The following CYP3A43 variants were observed in gnomAD, a reference collection of about 807,000 sequenced individuals.
The protein encoded by CYP3A43 is cytochrome P450 3A43.
CYP3A43 carries 45 observed loss-of-function variants against 58.0 expected under a neutral mutation model. The observed-to-expected ratio is 0.78, with a 90% confidence interval of 0.61 to 0.99. The LOEUF (loss-of-function observed/expected upper bound fraction) is 0.99. Among genes scored for constraint, CYP3A43 ranks in the 50% least tolerant of loss-of-function variants. CYP3A43 has a pLI of 0.00. For synonymous variants in CYP3A43, 191 were observed against 201.4 expected, an observed-to-expected ratio of 0.95 and a Z score of 0.44; for missense variants, 593 against 591.9, an observed-to-expected ratio of 1.00 and a Z score of -0.02.
intron 12 of CYP3A43, among the ~76,000 whole-genome samples, chr7:99,864,222 C>T (rs891200452): frequency 1.3e-5 from 2 of 148,558 alleles, no homozygotes; most frequent in African/African-American, 5.3e-5. Context: ...GCTTTAAAAG[C>T]TCTCCCATTG....
intron 4 of CYP3A43, among the ~76,000 whole-genome samples, chr7:99,847,099 C>T (rs763787827): frequency 4.6e-5 from 7 of 152,092 alleles, no homozygotes; most frequent in Admixed American, 4.6e-4. Flanking sequence ...TCTGAGGCAA[C>T]GTACAATCTG....
At chr7:99,852,705 A>G (rs1440880715) in intron 7 of CYP3A43, among the ~76,000 whole-genome samples, 3 of 152,196 alleles carry the variant, frequency 2.0e-5, no homozygotes, top group African/African-American at 4.8e-5. Flanking sequence ...GTGCTGAGAG[A>G]GGTATCCTTG....
chr7:99,846,273 C>T (rs981441526), intron 4 of CYP3A43, among the ~76,000 whole-genome samples: 4 of 152,048 alleles, frequency 2.6e-5, no homozygotes, highest in Non-Finnish European at 5.9e-5. Context: ...CTTTCATCAA[C>T]GTTTTGTAAT....
rs554128844 is a variant in CYP3A43 at position 99,861,675 on chromosome 7, G to A, written c.1089G>A (p.Thr363=). 116 of 1,614,112 alleles carry A rather than the reference G, an allele frequency of 7.2e-5. No individual in the cohort carries two copies. The South Asian group carries it at 1.1e-3, about 16-fold the overall frequency. ...ACCTTGACATGGTGGTGAATGAAACGCTCAGATTATTCCCAGTTGTTAGTA... is the reference window on the plus strand; with the variant it reads ...ACCTTGACATGGTGGTGAATGAAACACTCAGATTATTCCCAGTTGTTAGTA... The part of the protein sequence containing the change: ...MEYLDMVVNE[T]LRLFPVVSRV... Residue 363 remains threonine (T), a synonymous_variant, in exon 11 of 13, where the codon ACG becomes ACA. Transcript: ENST00000354829.
At chr7:99,860,046 C>T in intron 10 of CYP3A43, 56 bp downstream of exon 10, 1 of 1,525,614 alleles carries the variant, frequency 6.6e-7, no homozygotes, top group South Asian at 1.3e-5. Context: ...AGCAAGAATG[C>T]CTCCTCACCA....
intron 12 of CYP3A43, among the ~76,000 whole-genome samples, chr7:99,865,394 T>C (rs1210294314): frequency 1.3e-5 from 2 of 148,598 alleles, no homozygotes; most frequent in Admixed American, 6.6e-5. Context: ...GCATAATGCT[T>C]CTTGAAGATC....
At chr7:99,854,382 T>C (rs955647444) in intron 7 of CYP3A43, among the ~76,000 whole-genome samples, 10 of 152,034 alleles carry the variant, frequency 6.6e-5, no homozygotes, top group Admixed American at 1.3e-4. Flanking sequence ...AACTTTTGCA[T>C]TTTTAGTAGG....
chr7:99,845,442 C>A (rs184358956), intron 4 of CYP3A43, among the ~76,000 whole-genome samples: 1 of 152,076 alleles, frequency 6.6e-6, no homozygotes, highest in East Asian at 1.9e-4. Flanking sequence ...TGTGCCTCAG[C>A]CTCCCAAGTA....
intron 5 of CYP3A43, 187 bp from the exon 6 acceptor site, chr7:99,847,979 C>G: frequency 1.6e-6 from 1 of 630,564 alleles, no homozygotes; most frequent in Non-Finnish European, 2.7e-6. Flanking sequence ...CCGTTGCACT[C>G]CAGCCTGGGC....
At chr7:99,863,281 G>A (rs1818313063) in intron 11 of CYP3A43, among the ~76,000 whole-genome samples, 1 of 151,994 alleles carries the variant, frequency 6.6e-6, no homozygotes, top group Non-Finnish European at 1.5e-5. Context: ...ATAACCACAA[G>A]GGCATTATCA....
chr7:99,842,734 A>C (rs1055983159), intron 3 of CYP3A43, among the ~76,000 whole-genome samples: 1 of 152,232 alleles, frequency 6.6e-6, no homozygotes, highest in Non-Finnish European at 1.5e-5. Context: ...ATATAGCTGT[A>C]ATTTCACAAT....
intron 7 of CYP3A43, 92 bp downstream of exon 7, chr7:99,849,786 TA>T: frequency 1.6e-6 from 2 of 1,226,208 alleles, no homozygotes; most frequent in Non-Finnish European, 2.2e-6. Context: ...ACATACCATA[TA>T]ATTCACCTAC....
intron 8 of CYP3A43, among the ~76,000 whole-genome samples, chr7:99,856,376 AG>A (rs1817983296): frequency 6.6e-6 from 1 of 152,238 alleles, no homozygotes; most frequent in African/African-American, 2.4e-5. Context: ...ATAGAGTTCT[AG>A]GAGTGGGGAG....
chr7:99,859,717 C>T (rs1376476340), intron 9 of CYP3A43, 113 bp from the exon 10 acceptor site: 5 of 1,396,886 alleles, frequency 3.6e-6, no homozygotes, highest in Non-Finnish European at 5.0e-6. Context: ...CTCTGAATTG[C>T]TTTTCTATTT....
intron 1 of CYP3A43, among the ~76,000 whole-genome samples, chr7:99,833,232 T>C (rs1447466638): frequency 6.6e-6 from 1 of 152,142 alleles, no homozygotes; most frequent in Admixed American, 6.5e-5. Flanking sequence ...GGATATTTAT[T>C]AATTATTTAG....
intron 10 of CYP3A43, among the ~76,000 whole-genome samples, chr7:99,860,318 T>G (rs2151624758): frequency 6.6e-6 from 1 of 152,336 alleles, no homozygotes. Context: ...TAGTGAGCTC[T>G]GCTGATATTG....
chr7:99,848,344 A>G (rs1817618702), intron 6 of CYP3A43, 90 bp downstream of exon 6: 2 of 1,370,010 alleles, frequency 1.5e-6, no homozygotes, highest in Admixed American at 3.9e-5. Context: ...GGGTTACTCC[A>G]GTGATCGGAC....
chr7:99,844,123 C>A lies in CYP3A43; in HGVS notation c.219-20C>A, dbSNP rs754186707. On this transcript the variant is annotated intron_variant, in intron 3 of 12. Coordinates refer to ENST00000354829, the MANE Select transcript of CYP3A43 (RefSeq NM_057095.3). ...AATCAGGCAAGCGAGGTTTAGTCAG[C>A]TCTGTTTTCCCCCACACAGGCTGTA... The A allele has an allele frequency of 3.1e-6, 5 of 1,597,886 alleles. No homozygotes were observed. The highest frequency in any genetic ancestry group is 3.5e-5 in the Admixed American group (2 of 57,312).
chr7:99,855,997 T>C (rs931046967), intron 8 of CYP3A43, among the ~76,000 whole-genome samples: 1 of 152,242 alleles, frequency 6.6e-6, no homozygotes, highest in Admixed American at 6.5e-5. Flanking sequence ...TTCCTTTCAG[T>C]AAATTGTCAA....
Sources: allele counts gnomAD v4.1 joint callset (sites outside exome capture counted in the v4.1 genomes callset), GRCh38; gene constraint gnomAD v4.1.1; transcripts MANE v1.5; gene names NCBI Gene and HGNC (gene_info 2026-07-23, HGNC 2026-07-21).